The following TECPR2 variants were observed in gnomAD, a reference collection of about 807,000 sequenced individuals.
TECPR2 encodes the protein tectonin beta-propeller repeat-containing protein 2.
TECPR2 carries 65 observed loss-of-function variants against 138.1 expected under a neutral mutation model. The ratio of observed to expected loss-of-function variants is 0.47; its 90% CI spans 0.39 to 0.58. The LOEUF (loss-of-function observed/expected upper bound fraction) is 0.58. Ranked by LOEUF, TECPR2 falls within the 20% of genes least tolerant of loss-of-function variation. The pLI is 0.00. For synonymous variants in TECPR2, 746 were observed against 749.8 expected (o/e 0.99, Z 0.08); for missense variants, 1,553 against 1,824.5 (o/e 0.85, Z 2.71).
In TECPR2 at chr14:102,431,398, A is replaced by C. The variant is rs1377193613; in HGVS notation, c.1085-398A>C. On this transcript the variant is annotated intron_variant, in intron 7 of 19. Transcript: ENST00000359520. ...CACTGTGTTGCCCAGGCTGGAGTGC[A>C]GTGGCGCAATCTCGGCTCACTGCAA... Among the ~76,000 whole-genome samples, 5 of 136,738 alleles carry C rather than the reference A, an allele frequency of 3.7e-5. No homozygotes were observed. In the East Asian group the frequency reaches 6.3e-4, roughly 17 times the overall value. 89.7% of individuals were successfully genotyped at this position (136,738 alleles called of 152,430 possible). A position where few individuals can be genotyped will look rare whatever the true frequency, so the allele number is the denominator to read the frequency against.
intron 16 of TECPR2, among the ~76,000 whole-genome samples, chr14:102,461,039 C>G (rs2139766577): frequency 6.6e-6 from 1 of 152,128 alleles, no homozygotes; most frequent in Non-Finnish European, 1.5e-5. Flanking sequence ...CTTTCTACCC[C>G]TATACAAATT....
Position 102,417,601 on chromosome 14 carries a change from G to A in TECPR2, c.638+2808G>A, listed in dbSNP as rs185974121. Among the ~76,000 whole-genome samples the A allele has an allele frequency of 1.4e-4, 22 of 152,358 alleles. 1 individual carries two copies. The highest frequency in any genetic ancestry group is 1.2e-3 in the Admixed American group (19 of 15,306). On this transcript the variant is annotated intron_variant, in intron 5 of 19. Transcript: ENST00000359520. ...AAGCCTGGGAAGAGCTGCTGGAAGA[G>A]CATTCCAGGCTCAGGGAACAGCATA...
At chr14:102,485,506 C>G (rs1891004812) in intron 17 of TECPR2, among the ~76,000 whole-genome samples, 1 of 152,170 alleles carries the variant, frequency 6.6e-6, no homozygotes. Flanking sequence ...TAAGTCTTTT[C>G]TCTCATTCTG....
chr14:102,404,816 C>T (rs1381180732), intron 2 of TECPR2, among the ~76,000 whole-genome samples: 1 of 151,724 alleles, frequency 6.6e-6, no homozygotes. Flanking sequence ...TCAAGTGATT[C>T]GCCTGCATCA....
Position 102,411,521 on chromosome 14 carries a change from C to A in TECPR2, c.480+2902C>A, listed in dbSNP as rs1888862870. Among the ~76,000 whole-genome samples the A allele has an allele frequency of 2.0e-5, 3 of 151,900 alleles. No homozygotes were observed. The South Asian group carries it at 6.3e-4, about 32-fold the overall frequency. The stretch of plus-strand genomic sequence containing the variant: ...CTGGCTCATCCTGGCTCAAAAAGCA[C>A]CCCCACTGAGCACCTTGCGACCCCT... On this transcript the variant is annotated intron_variant, in intron 4 of 19. Transcript: ENST00000359520.
chr14:102,442,761 C>A (rs931282303), intron 11 of TECPR2, among the ~76,000 whole-genome samples: 15 of 152,196 alleles, frequency 9.9e-5, no homozygotes, highest in African/African-American at 3.6e-4. Flanking sequence ...ACTATAGGTG[C>A]GTCTGTGATT....
intron 2 of TECPR2, among the ~76,000 whole-genome samples, chr14:102,399,332 TAAAA>T (rs953180499): frequency 3.3e-5 from 5 of 152,212 alleles, no homozygotes; most frequent in African/African-American, 9.6e-5. Context: ...TTCAGAGTGT[TAAAA>T]AGAAAGAAGA....
At chr14:102,485,617 G>C (rs1362314606) in intron 17 of TECPR2, among the ~76,000 whole-genome samples, 3 of 152,136 alleles carry the variant, frequency 2.0e-5, no homozygotes, top group Non-Finnish European at 2.9e-5. Context: ...TGACCCAGTA[G>C]TTTAAACAAC....
rs1891359105 is a variant in TECPR2, at chr14:102,498,658, C to A, written c.*401C>A. The A allele has an allele frequency of 2.5e-6, 1 of 399,826 alleles. No homozygotes were observed. Among genetic ancestry groups the A allele is most frequent in the Non-Finnish European group, 4.8e-6 (1 of 208,522 alleles). 24.8% of individuals were successfully genotyped at this position (399,826 alleles called of 1,614,324 possible). ...CAGGGCCTCCTTCCACATTAGTAGC[C>A]CCAGGGCCAGATGGAGCCAAAGGTC... On this transcript the variant is annotated 3_prime_UTR_variant, in exon 20 of 20. Coordinates refer to ENST00000359520, the MANE Select transcript of TECPR2 (RefSeq NM_014844.5).
At chr14:102,421,777 T>C (rs1264362301) in intron 5 of TECPR2, among the ~76,000 whole-genome samples, 1 of 152,176 alleles carries the variant, frequency 6.6e-6, no homozygotes, top group African/African-American at 2.4e-5. Flanking sequence ...AGATGGGAGT[T>C]ACTCTGCCTG....
At chr14:102,413,935 C>T (rs1888953354) in intron 4 of TECPR2, among the ~76,000 whole-genome samples, 1 of 151,498 alleles carries the variant, frequency 6.6e-6, no homozygotes, top group Non-Finnish European at 1.5e-5. Flanking sequence ...GTAGCGGGGA[C>T]CATAGGCACG....
At chr14:102,471,712 C>CTAA (rs574743029) in intron 17 of TECPR2, among the ~76,000 whole-genome samples, 284 of 151,716 alleles carry the variant, frequency 1.9e-3, no homozygotes, top group Admixed American at 2.8e-3. Flanking sequence ...GAGCACAACG[C>CTAA]TAATAATAAT....
At chr14:102,492,024 C>T (rs1891170865) in intron 17 of TECPR2, among the ~76,000 whole-genome samples, 2 of 152,196 alleles carry the variant, frequency 1.3e-5, no homozygotes, top group Non-Finnish European at 2.9e-5. Flanking sequence ...TATGGTGTAC[C>T]ATGGAACCCA....
chr14:102,492,616 G>A (rs948128488), intron 17 of TECPR2, among the ~76,000 whole-genome samples: 2 of 152,230 alleles, frequency 1.3e-5, no homozygotes, highest in Non-Finnish European at 1.5e-5. Context: ...CCTCAGCATC[G>A]GGCTGGGCTG....
intron 11 of TECPR2, among the ~76,000 whole-genome samples, chr14:102,440,937 G>A (rs1465761476): frequency 6.6e-6 from 1 of 151,858 alleles, no homozygotes; most frequent in Non-Finnish European, 1.5e-5. Flanking sequence ...AGAATACAGA[G>A]GAAGGACATA....
At chr14:102,375,960 G>C (rs922617386) in intron 1 of TECPR2, among the ~76,000 whole-genome samples, 2 of 152,218 alleles carry the variant, frequency 1.3e-5, no homozygotes, top group Admixed American at 1.3e-4. Context: ...GGCGTGCATG[G>C]AAGGGTTGCA....
In TECPR2 at chr14:102,501,518, G is replaced by C. The variant is rs758641989; in HGVS notation, c.*3261G>C. 2 of 152,036 alleles carry C rather than the reference G, an allele frequency of 1.3e-5. No homozygotes were observed. The highest frequency in any genetic ancestry group is 2.4e-5 in the African/African-American group (1 of 41,392). The allele number at this position is 152,036 out of a possible 1,614,324, so 9.4% of individuals were successfully genotyped here. On this transcript the variant is annotated 3_prime_UTR_variant, in exon 20 of 20. Coordinates refer to ENST00000359520, the MANE Select transcript of TECPR2 (RefSeq NM_014844.5). Reference sequence around the variant, plus strand: ...GATCACACCACTGCACTCCAGCCTCGGCGACAGAGCAAGACCTTGTTTCTC... The same window carrying C: ...GATCACACCACTGCACTCCAGCCTCCGCGACAGAGCAAGACCTTGTTTCTC...
intron 2 of TECPR2, among the ~76,000 whole-genome samples, chr14:102,391,231 G>C (rs1888163808): frequency 6.6e-6 from 1 of 151,968 alleles, no homozygotes; most frequent in South Asian, 2.1e-4. Context: ...CCAATTTTTT[G>C]TATTTTTAAT....
intron 8 of TECPR2, among the ~76,000 whole-genome samples, chr14:102,432,686 G>A (rs749653527): frequency 3.3e-5 from 5 of 151,188 alleles, no homozygotes; most frequent in Admixed American, 6.6e-5. Context: ...GAGCCACCGC[G>A]CCTGGCATAG....
Sources: gnomAD v4.1 joint callset for allele counts (sites outside exome capture counted in the v4.1 genomes callset) on GRCh38, gnomAD v4.1.1 for gene constraint, MANE v1.5 for transcripts, NCBI Gene and HGNC (gene_info 2026-07-23, HGNC 2026-07-21) for gene names.